The following MYO1G variants were observed in gnomAD, a reference collection of about 807,000 sequenced individuals.
MYO1G encodes myosin IG.
In MYO1G, 65 loss-of-function variants were observed where a neutral mutation model predicts 115.3. That is an observed-to-expected ratio of 0.56 (90% CI 0.46 to 0.69). The LOEUF (loss-of-function observed/expected upper bound fraction) is 0.69, where lower values mean the gene tolerates loss of function less well. Ranked by LOEUF, MYO1G falls within the 30% of genes least tolerant of loss-of-function variation. The pLI is 0.00. For missense variants in MYO1G, 1,204 were observed against 1,393.5 expected (o/e 0.86, Z 2.16); for synonymous variants, 510 against 552.6 (o/e 0.92, Z 1.08).
rs924202813 is a variant in MYO1G at position 44,964,665 on chromosome 7, C to T, written c.2527-146G>A. The stretch of plus-strand genomic sequence containing the variant: ...CAGACTTGTGCGTGAGCTGAGCAGC[C>T]CTGGATTTCCTGAGGGCACAGAGCC... On this transcript the variant is annotated intron_variant, in intron 18 of 21. Transcript: ENST00000258787. This position sits in a 1 kb window ranked among gnomAD's most constrained non-coding sequence, Gnocchi z 5.1. 1 of 790,808 alleles carries T rather than the reference C, an allele frequency of 1.3e-6. No homozygotes were observed. Among genetic ancestry groups the T allele is most frequent in the Non-Finnish European group, 2.1e-6 (1 of 480,744 alleles). 49.0% of individuals were successfully genotyped at this position (790,808 alleles called of 1,614,324 possible). A position where few individuals can be genotyped will look rare whatever the true frequency, so the allele number is the denominator to read the frequency against.
At position 44,964,293 on chromosome 7, in the gene MYO1G, G is replaced by C; in HGVS notation, c.2631+122C>G. ...GGGAGTGTCAGGAGCAGCTGGGCCT[G>C]GGCTGGGGTTGCCTCCATTTTCTCC... On this transcript the variant is annotated intron_variant, in intron 19 of 21. Coordinates refer to ENST00000258787, the MANE Select transcript of MYO1G (RefSeq NM_033054.3). The surrounding 1 kb of genome is among the most constrained non-coding windows in gnomAD (Gnocchi z 5.1). 1 of 1,296,030 alleles carries C rather than the reference G, an allele frequency of 7.7e-7. No homozygotes were observed. Among genetic ancestry groups the C allele is most frequent in the Non-Finnish European group, 1.1e-6 (1 of 904,622 alleles). The allele number at this position is 1,296,030 out of a possible 1,614,324, so 80.3% of individuals were successfully genotyped here. A position where few individuals can be genotyped will look rare whatever the true frequency, so the allele number is the denominator to read the frequency against.
chr7:44,962,740 C>T lies in MYO1G; in HGVS notation c.3056G>A (p.Ter1019=), dbSNP rs763409459. The change falls in exon 22 of 22, where the codon TGA becomes TAA. Residue 1019 remains the stop codon, a stop_retained_variant. Coordinates refer to ENST00000258787, the MANE Select transcript of MYO1G (RefSeq NM_033054.3). This position sits in a 1 kb window ranked among gnomAD's most constrained non-coding sequence, Gnocchi z 5.3. Reference sequence around the variant, plus strand: ...TCGGGGTGCGGCGGGTGCGGGCGCTCAGCGGCTGGGCCAGAGCAGGGTGAA... The same window carrying T: ...TCGGGGTGCGGCGGGTGCGGGCGCTTAGCGGCTGGGCCAGAGCAGGGTGAA... ...GSFTLLWPSR[*] 4.8e-6 allele frequency: 7 copies of T among 1,458,612 alleles called. No individual in the cohort carries two copies. Among genetic ancestry groups the T allele is most frequent in the Middle Eastern group, 2.5e-4 (1 of 4,042 alleles). 90.4% of individuals were successfully genotyped at this position (1,458,612 alleles called of 1,614,324 possible).
rs1795031764 is a variant in MYO1G at position 44,975,471 on chromosome 7, C to G, written c.564+13G>C. 5.6e-6 allele frequency: 9 copies of G among 1,600,308 alleles called. No individual in the cohort carries two copies. The highest frequency in any genetic ancestry group is 7.7e-6 in the Non-Finnish European group (9 of 1,171,460). ...GGGCTCCCCATGGAGGTCTCCTCAG[C>G]CCACCTGCCCACCTTCTCCAGTAGG... On this transcript the variant is annotated intron_variant, in intron 4 of 21. Coordinates refer to ENST00000258787, the MANE Select transcript of MYO1G (RefSeq NM_033054.3).
At position 44,966,841 on chromosome 7, in the gene MYO1G, G is replaced by A; in HGVS notation, c.1783-3C>T. 1 of 1,601,884 alleles carries A rather than the reference G, an allele frequency of 6.2e-7. No homozygotes were observed. The highest frequency in any genetic ancestry group is 8.5e-7 in the Non-Finnish European group (1 of 1,172,972). On this transcript the variant is annotated splice_polypyrimidine_tract_variant and splice_region_variant and intron_variant, in intron 14 of 21. Transcript: ENST00000258787. This position sits in a 1 kb window ranked among gnomAD's most constrained non-coding sequence, Gnocchi z 5.0. ...ATGCAGCGGACGTAGAAGGGCTCCTGCAGGGACAGAGGGGACTTGGAGAGG... is the reference window on the plus strand; with the variant it reads ...ATGCAGCGGACGTAGAAGGGCTCCTACAGGGACAGAGGGGACTTGGAGAGG...
At position 44,969,971 on chromosome 7, in the gene MYO1G, G is replaced by C. The variant is rs1007365216; in HGVS notation, c.1332+69C>G. 28 of 1,594,482 alleles carry C rather than the reference G, an allele frequency of 1.8e-5. No homozygotes were observed. The Middle Eastern group carries it at 6.7e-4, about 38-fold the overall frequency. On this transcript the variant is annotated intron_variant, in intron 10 of 21. Coordinates refer to ENST00000258787, the MANE Select transcript of MYO1G (RefSeq NM_033054.3). The surrounding 1 kb of genome is among the most constrained non-coding windows in gnomAD (Gnocchi z 5.0). ...TCAGCCACCTGTCAGGCCAGCCCGG[G>C]CCCCTCCCCATGGGCTGAGGCCCCT...
rs1654814747 is a variant in MYO1G, at chr7:44,966,782, C to T, written c.1839G>A (p.Leu613=). 13 of 1,613,514 alleles carry T rather than the reference C, an allele frequency of 8.1e-6. No individual in the cohort carries two copies. Among genetic ancestry groups the T allele is most frequent in the Non-Finnish European group, 1.1e-5 (13 of 1,179,974 alleles). ...KPNEDKVAGK[L]DENHCRHQVA... ...CCTGGTGGCGACAGTGGTTCTCATC[C>T]AGCTTCCCAGCTACCTTGTCCTCAT... Residue 613 remains leucine, a synonymous_variant, in exon 15 of 22, where the codon CTG becomes CTA. Transcript: ENST00000258787. The surrounding 1 kb of genome is among the most constrained non-coding windows in gnomAD (Gnocchi z 5.0).
rs1005975325 is a variant in MYO1G at position 44,964,871 on chromosome 7, G to A, written c.2526+74C>T. The stretch of plus-strand genomic sequence containing the variant: ...GGGAGAGGACATCTGAGGGGACCTG[G>A]TCACAGCATTAGCCGAGAGCCCTCT... On this transcript the variant is annotated intron_variant, in intron 18 of 21. Coordinates refer to ENST00000258787, the MANE Select transcript of MYO1G (RefSeq NM_033054.3). The surrounding 1 kb of genome is among the most constrained non-coding windows in gnomAD (Gnocchi z 5.1). The A allele has an allele frequency of 1.6e-5, 25 of 1,539,016 alleles. No individual in the cohort carries two copies. Among genetic ancestry groups the A allele is most frequent in the Non-Finnish European group, 2.2e-5 (25 of 1,138,080 alleles).
Position 44,975,547 on chromosome 7 carries a change from G to A in MYO1G, c.501C>T (p.Asp167=), listed in dbSNP as rs777123521. The change falls in exon 4 of 22, where the codon GAC becomes GAT. Residue 167 remains aspartate, a synonymous_variant. Transcript: ENST00000258787. The part of the protein sequence containing the change: ...HNSSRFGKYM[D]INFDFKGDPI... ...GGTCCCCCTTGAAGTCAAAGTTGAT[G>A]TCCATGTACTTGCCAAAGCGGCTGG... 6.2e-7 allele frequency: 1 copy of A among 1,613,918 alleles called. No individual in the cohort carries two copies. The highest frequency in any genetic ancestry group is 8.5e-7 in the Non-Finnish European group (1 of 1,179,960).
In MYO1G at chr7:44,969,944, A is replaced by G; in HGVS notation, c.1333-69T>C. The G allele has an allele frequency of 6.3e-7, 1 of 1,587,776 alleles. No individual in the cohort carries two copies. The highest frequency in any genetic ancestry group is 8.6e-7 in the Non-Finnish European group (1 of 1,165,224). ...GGCCACCTCCCCTCCTCCGCCCCAC[A>G]CTCAGCCACCTGTCAGGCCAGCCCG... On this transcript the variant is annotated intron_variant, in intron 10 of 21. Coordinates refer to ENST00000258787, the MANE Select transcript of MYO1G (RefSeq NM_033054.3). The surrounding 1 kb of genome is among the most constrained non-coding windows in gnomAD (Gnocchi z 5.0).
intron 1 of MYO1G, 71 bp from the exon 2 acceptor site, chr7:44,977,142 A>C: frequency 6.8e-7 from 1 of 1,471,198 alleles, no homozygotes; most frequent in South Asian, 1.2e-5. Context: ...GCCAGAGCCC[A>C]TATCAGGGCC....
At position 44,969,206 on chromosome 7, in the gene MYO1G, T is replaced by C. The variant is rs1354741775; in HGVS notation, c.1574+207A>G. On this transcript the variant is annotated intron_variant, in intron 12 of 21. Transcript: ENST00000258787. This position sits in a 1 kb window ranked among gnomAD's most constrained non-coding sequence, Gnocchi z 5.0. Reference sequence around the variant, plus strand: ...AAAGGCTCCCAGAAGAATGCAGCCATGGTTAACCACTATCCTCAAACCCTG... The same window carrying C: ...AAAGGCTCCCAGAAGAATGCAGCCACGGTTAACCACTATCCTCAAACCCTG... 2 of 569,388 alleles carry C rather than the reference T, an allele frequency of 3.5e-6. No individual in the cohort carries two copies. Among genetic ancestry groups the C allele is most frequent in the East Asian group, 6.2e-5 (2 of 32,484 alleles). The allele number at this position is 569,388 out of a possible 1,614,324, so 35.3% of individuals were successfully genotyped here.
At position 44,978,947 on chromosome 7, in the gene MYO1G, T is replaced by A. The variant is rs1472879606; in HGVS notation, c.15A>T (p.Glu5Asp). ...AGTCAGGTTTGCCATACTCAGGGCC[T>A]TCCTCGTCCTCCATCCTGCCGGCTG... MEDE[E>D]GPEYGKPDFV... Residue 5 changes from glutamate to aspartate, a missense_variant, in exon 1 of 22, where the codon GAA (glutamate) becomes GAT (aspartate). Glu to Asp is a conservative substitution (Grantham distance 45). Coordinates refer to ENST00000258787, the MANE Select transcript of MYO1G (RefSeq NM_033054.3). The A allele has an allele frequency of 1.2e-6, 2 of 1,614,148 alleles. No individual in the cohort carries two copies.
chr7:44,975,057 T>C (rs1795023068), intron 5 of MYO1G, 117 bp downstream of exon 5: 3 of 1,059,152 alleles, frequency 2.8e-6, no homozygotes, highest in Non-Finnish European at 2.9e-6. Context: ...CTAGGTGGGG[T>C]TGAGTGGGCA....
At chr7:44,976,286 A>C (rs1795047486) in intron 3 of MYO1G, among the ~76,000 whole-genome samples, 1 of 152,056 alleles carries the variant, frequency 6.6e-6, no homozygotes, top group Non-Finnish European at 1.5e-5. Flanking sequence ...GCCCTGCTGC[A>C]CTTCTCCTCA....
Position 44,965,013 on chromosome 7 carries a change from C to T in MYO1G, c.2458G>A (p.Gly820Arg), listed in dbSNP as rs147841026. ...PQIKAKVAAM[G>R]ALQGLRQDWG... ...TCCTGACGAAGCCCTTGCAGGGCCC[C>T]CATGGCGGCCACCTTGGCCTTGATC... The change falls in exon 18 of 22, where the codon GGG (glycine) becomes AGG (arginine). Residue 820 changes from glycine to arginine, a missense_variant. Coordinates refer to ENST00000258787, the MANE Select transcript of MYO1G (RefSeq NM_033054.3). 15 of 1,611,268 alleles carry T rather than the reference C, an allele frequency of 9.3e-6. No homozygotes were observed. The African/African-American group carries it at 2.0e-4, about 22-fold the overall frequency.
At position 44,964,456 on chromosome 7, in the gene MYO1G, C is replaced by T. The variant is rs142328697; in HGVS notation, c.2590G>A (p.Asp864Asn). 41 of 1,613,888 alleles carry T rather than the reference C, an allele frequency of 2.5e-5. No individual in the cohort carries two copies. The African/African-American group carries it at 4.9e-4, about 19-fold the overall frequency. The change falls in exon 19 of 22, where the codon GAT becomes AAT. Residue 864 changes from aspartate to asparagine, a missense_variant. Asp to Asn is a conservative substitution (Grantham distance 23). Coordinates refer to ENST00000258787, the MANE Select transcript of MYO1G (RefSeq NM_033054.3). The surrounding 1 kb of genome is among the most constrained non-coding windows in gnomAD (Gnocchi z 5.1). The stretch of plus-strand genomic sequence containing the variant: ...GAAAAGAGCACAGCCCCGAAGCCAT[C>T]TTTGTCCTGAAGTGTCTTTAGTCGC... ...AQRLKTLQDK[D>N]GFGAVLFSSH...
In MYO1G at chr7:44,964,545, C is replaced by A. The variant is rs765283389; in HGVS notation, c.2527-26G>T. 10 of 1,582,714 alleles carry A rather than the reference C, an allele frequency of 6.3e-6. No individual in the cohort carries two copies. Among genetic ancestry groups the A allele is most frequent in the Non-Finnish European group, 8.7e-6 (10 of 1,151,974 alleles). On this transcript the variant is annotated intron_variant, in intron 18 of 21. Transcript: ENST00000258787. This position sits in a 1 kb window ranked among gnomAD's most constrained non-coding sequence, Gnocchi z 5.1. Reference sequence around the variant, plus strand: ...CTGAGGACAGATGGAGGGGAGGGGGCGCTGCTTGGGATTGAGTCATGGGAC... The same window carrying A: ...CTGAGGACAGATGGAGGGGAGGGGGAGCTGCTTGGGATTGAGTCATGGGAC...
Position 44,969,742 on chromosome 7 carries a change from A to G in MYO1G, c.1466T>C (p.Met489Thr), listed in dbSNP as rs3735485. ...TDRIFLQTLD[M>T]HHRHHLHYTS... The stretch of plus-strand genomic sequence containing the variant: ...GTAGTGTAGGTGATGGCGGTGGTGC[A>G]TGTCCAGGGTCTGCAGGAAGATTCG... Residue 489 changes from methionine (M) to threonine (T), a missense_variant, in exon 11 of 22, where the codon ATG becomes ACG. Met to Thr is a moderately conservative substitution (Grantham distance 81). Coordinates refer to ENST00000258787, the MANE Select transcript of MYO1G (RefSeq NM_033054.3). The surrounding 1 kb of genome is among the most constrained non-coding windows in gnomAD (Gnocchi z 5.0). 0.86 allele frequency: 1,377,215 copies of G among 1,609,976 alleles called. 590,159 individuals carry two copies. Among genetic ancestry groups the G allele is most frequent in the African/African-American group, 0.97 (72,408 of 74,860 alleles).
At position 44,965,660 on chromosome 7, in the gene MYO1G, G is replaced by A. The variant is rs1380978340; in HGVS notation, c.2358C>T (p.Asp786=). 4.3e-6 allele frequency: 7 copies of A among 1,613,510 alleles called. No homozygotes were observed. Among genetic ancestry groups the A allele is most frequent in the African/African-American group, 4.0e-5 (3 of 74,934 alleles). ...ACCTGCAGAAGAGTGCGTGGCAGGT[G>A]TCCTGGAAGGGCTGCAGCACAGCAG... ...LPPAVLQPFQ[D]TCHALFCRWR... is the part of the protein sequence containing the mutation. Residue 786 remains aspartate (D), a synonymous_variant, in exon 17 of 22, where the codon GAC becomes GAT. Transcript: ENST00000258787.
Sources: gnomAD v4.1 joint callset for allele counts (sites outside exome capture counted in the v4.1 genomes callset) on GRCh38, gnomAD v4.1.1 for gene constraint, Gnocchi (gnomAD v3.1) non-coding constraint, MANE v1.5 for transcripts, NCBI Gene and HGNC (gene_info 2026-07-23, HGNC 2026-07-21) for gene names.